ZNF445: variants seen among roughly 807,000 people sequenced by gnomAD.
ZNF445 encodes the protein zinc finger protein 168.
ZNF445 carries 19 observed loss-of-function variants against 93.9 expected under a neutral mutation model. That is an observed-to-expected ratio of 0.20 (90% confidence interval 0.14 to 0.30). The LOEUF (loss-of-function observed/expected upper bound fraction) is 0.30. Ranked by LOEUF, ZNF445 falls within the 10% of genes least tolerant of loss-of-function variation. ZNF445 has a pLI of 1.00. For missense variants in ZNF445, 1,058 were observed against 1,259.4 expected (o/e 0.84, Z 2.42); for synonymous variants, 449 against 446.3 (o/e 1.01, Z -0.08).
chr3:44,449,544 C>T lies in ZNF445; in HGVS notation c.900G>A (p.Gln300=). 6.2e-7 allele frequency: 1 copy of T among 1,614,198 alleles called. No individual in the cohort carries two copies. Among genetic ancestry groups the T allele is most frequent in the Non-Finnish European group, 8.5e-7 (1 of 1,180,022 alleles). The part of the protein sequence containing the change: ...EPWGLNMQAA[Q]PKGNPVAAPT... ...GAGCAGCAACTGGATTCCCCTTAGG[C>T]TGAGCTGCCTGCATGTTCAGGCCCC... Residue 300 remains glutamine, a synonymous_variant, in exon 7 of 8, where the codon CAG becomes CAA. Coordinates refer to ENST00000396077, the MANE Select transcript of ZNF445 (RefSeq NM_181489.6).
At chr3:44,471,004 T>C (rs9824392) in intron 1 of ZNF445, among the ~76,000 whole-genome samples, 1,857 of 147,514 alleles carry the variant, frequency 0.013, 34 homozygotes, top group African/African-American at 0.044. Flanking sequence ...AAAACAAAAA[T>C]AAAAAACCTA....
chr3:44,452,556 C>T (rs1697971274), intron 3 of ZNF445, among the ~76,000 whole-genome samples: 2 of 152,166 alleles, frequency 1.3e-5, no homozygotes, highest in South Asian at 2.1e-4. Context: ...AAGTAGCTTT[C>T]AACCAGGTAG....
intron 1 of ZNF445, among the ~76,000 whole-genome samples, chr3:44,469,599 T>A (rs184439646): frequency 6.6e-6 from 1 of 151,772 alleles, no homozygotes; most frequent in Non-Finnish European, 1.5e-5. Flanking sequence ...CGAAACCCCA[T>A]CTCTATTAAA....
At chr3:44,460,798 T>C (rs1698103877) in intron 1 of ZNF445, among the ~76,000 whole-genome samples, 1 of 152,212 alleles carries the variant, frequency 6.6e-6, no homozygotes, top group Non-Finnish European at 1.5e-5. Flanking sequence ...CCTGTCTTGA[T>C]GAATCAGCTC....
In ZNF445 at chr3:44,436,795, T is replaced by C. The variant is rs576714598; in HGVS notation, c.*9780A>G. ...AACTCAAAGCAAATGAAGACAGCCA[T>C]TCTCAGCTTCTCAAGTTAAAACAAT... On this transcript the variant is annotated 3_prime_UTR_variant, in exon 8 of 8. Transcript: ENST00000396077. 2 of 152,266 alleles carry C rather than the reference T, an allele frequency of 1.3e-5. No homozygotes were observed. Among genetic ancestry groups the C allele is most frequent in the African/African-American group, 4.8e-5 (2 of 41,544 alleles). The allele number at this position is 152,266 out of a possible 1,614,324, so 9.4% of individuals were successfully genotyped here. A position where few individuals can be genotyped will look rare whatever the true frequency, so the allele number is the denominator to read the frequency against.
In ZNF445 at chr3:44,434,354, T is replaced by TG. The variant is rs1322494145; in HGVS notation, c.*12220dup. On this transcript the variant is annotated 3_prime_UTR_variant, in exon 8 of 8. Transcript: ENST00000396077. ...TGTACCCAGGAGGTGCAGGTTGCAG[T>TG]GAGCCAAGATTGCCTCCACTCCAGC... 2.0e-5 allele frequency: 3 copies of TG among 151,440 alleles called. No homozygotes were observed. Among genetic ancestry groups the TG allele is most frequent in the African/African-American group, 7.3e-5 (3 of 41,132 alleles). 9.4% of individuals were successfully genotyped at this position (151,440 alleles called of 1,614,324 possible).
In ZNF445 at chr3:44,439,726, A is replaced by G. The variant is rs1441220156; in HGVS notation, c.*6849T>C. 4 of 152,228 alleles carry G rather than the reference A, an allele frequency of 2.6e-5. No individual in the cohort carries two copies. Among genetic ancestry groups the G allele is most frequent in the Admixed American group, 2.0e-4 (3 of 15,280 alleles). The allele number at this position is 152,228 out of a possible 1,614,324, so 9.4% of individuals were successfully genotyped here. A position where few individuals can be genotyped will look rare whatever the true frequency, so the allele number is the denominator to read the frequency against. Reference sequence around the variant, plus strand: ...TGGGATCAATAAACTACCATCACTCAAAACTGGTTCGGATGTTGAAACTGA... The same window carrying G: ...TGGGATCAATAAACTACCATCACTCGAAACTGGTTCGGATGTTGAAACTGA... On this transcript the variant is annotated 3_prime_UTR_variant, in exon 8 of 8. Coordinates refer to ENST00000396077, the MANE Select transcript of ZNF445 (RefSeq NM_181489.6).
rs1697573325 is a variant in ZNF445 at position 44,432,310 on chromosome 3, G to GTGTGTGTGT, written c.*14264_*14265insACACACACA. 7 of 115,952 alleles carry GTGTGTGTGT rather than the reference G, an allele frequency of 6.0e-5. No homozygotes were observed. The highest frequency in any genetic ancestry group is 5.5e-5 in the Non-Finnish European group (3 of 54,292). The allele number at this position is 115,952 out of a possible 1,614,324, so 7.2% of individuals were successfully genotyped here. A position where few individuals can be genotyped will look rare whatever the true frequency, so the allele number is the denominator to read the frequency against. ...GTGTGTGTGTGTGTGTGTGTGTGTG[G>GTGTGTGTGT]ATGGAGATAGAGAGAGAGGGATTTA... On this transcript the variant is annotated 3_prime_UTR_variant, in exon 8 of 8. Coordinates refer to ENST00000396077, the MANE Select transcript of ZNF445 (RefSeq NM_181489.6).
chr3:44,448,373 T>C lies in ZNF445; in HGVS notation c.1298A>G (p.Tyr433Cys). 1.2e-6 allele frequency: 2 copies of C among 1,614,248 alleles called. No individual in the cohort carries two copies. Among genetic ancestry groups the C allele is most frequent in the Non-Finnish European group, 1.7e-6 (2 of 1,180,046 alleles). ...MSSHHYDYKKYGKGLRHMIGG... is the reference protein window; with the variant it reads ...MSSHHYDYKKCGKGLRHMIGG... ...AATCATGTGTCTGAGCCCCTTCCCA[T>C]ATTTCTTGTAGTCATAGTGGTGTGA... The change falls in exon 8 of 8, where the codon TAT (tyrosine) becomes TGT (cysteine). Residue 433 changes from tyrosine to cysteine, a missense_variant. Physicochemically the swap from Tyr to Cys is radical, Grantham distance 194 (BLOSUM62 -2). This residue lies in a region of ZNF445 where 657 missense variants were observed against 746.4 expected (regional missense o/e 0.88). Transcript: ENST00000396077.
chr3:44,448,925 A>T (rs1282254078), intron 7 of ZNF445, among the ~76,000 whole-genome samples, 186 bp from the exon 8 acceptor site: 1 of 152,256 alleles, frequency 6.6e-6, no homozygotes, highest in Non-Finnish European at 1.5e-5. Context: ...GGAGAAGAAA[A>T]GCAAGATGGG....
chr3:44,464,642 C>A (rs1698166376), intron 1 of ZNF445, among the ~76,000 whole-genome samples: 1 of 150,812 alleles, frequency 6.6e-6, no homozygotes, highest in South Asian at 2.1e-4. Flanking sequence ...CAAATTGTTT[C>A]TTTGACTTCT....
chr3:44,476,244 CG>C (rs1218354635), intron 1 of ZNF445, among the ~76,000 whole-genome samples: 2 of 152,254 alleles, frequency 1.3e-5, no homozygotes, highest in Non-Finnish European at 2.9e-5. Flanking sequence ...TCCTGGATAC[CG>C]GAAGCCAGAG....
In ZNF445 at chr3:44,441,203, G is replaced by A. The variant is rs1697806461; in HGVS notation, c.*5372C>T. The A allele has an allele frequency of 1.3e-5, 2 of 152,228 alleles. No homozygotes were observed. The highest frequency in any genetic ancestry group is 2.9e-5 in the Non-Finnish European group (2 of 68,070). The allele number at this position is 152,228 out of a possible 1,614,324, so 9.4% of individuals were successfully genotyped here. A position where few individuals can be genotyped will look rare whatever the true frequency, so the allele number is the denominator to read the frequency against. ...GCTGGGATTACAGGCATGAGCCATC[G>A]TGCCAGGCCTGCCATGGCGTTTGTA... On this transcript the variant is annotated 3_prime_UTR_variant, in exon 8 of 8. Coordinates refer to ENST00000396077, the MANE Select transcript of ZNF445 (RefSeq NM_181489.6).
At chr3:44,449,750 C>A in intron 6 of ZNF445, 127 bp from the exon 7 acceptor site, 2 of 692,146 alleles carry the variant, frequency 2.9e-6, no homozygotes, top group Non-Finnish European at 5.1e-6. Flanking sequence ...CAGAAGCTAG[C>A]GAAGGAGGCC....
rs1697705426 is a variant in ZNF445 at position 44,437,431 on chromosome 3, AAG to A, written c.*9142_*9143del. The A allele has an allele frequency of 6.6e-6, 1 of 151,686 alleles. No individual in the cohort carries two copies. The highest frequency in any genetic ancestry group is 2.0e-4 in the East Asian group (1 of 5,104). 9.4% of individuals were successfully genotyped at this position (151,686 alleles called of 1,614,324 possible). ...GAAAGGGGTCCCGATCCAGACTCTT[AAG>A]AGAGTTCTTGGATCTCGTGCAAGAA... On this transcript the variant is annotated 3_prime_UTR_variant, in exon 8 of 8. Coordinates refer to ENST00000396077, the MANE Select transcript of ZNF445 (RefSeq NM_181489.6).
At position 44,442,243 on chromosome 3, in the gene ZNF445, T is replaced by C. The variant is rs1697821323; in HGVS notation, c.*4332A>G. On this transcript the variant is annotated 3_prime_UTR_variant, in exon 8 of 8. Coordinates refer to ENST00000396077, the MANE Select transcript of ZNF445 (RefSeq NM_181489.6). The stretch of plus-strand genomic sequence containing the variant: ...AACAACCCATTTATTTATCCATTCT[T>C]CTGCTGATGAAATGCAGGCTTTTCC... The C allele has an allele frequency of 6.6e-6, 1 of 152,240 alleles. No homozygotes were observed. The highest frequency in any genetic ancestry group is 1.5e-5 in the Non-Finnish European group (1 of 68,048). The allele number at this position is 152,240 out of a possible 1,614,324, so 9.4% of individuals were successfully genotyped here. A position where few individuals can be genotyped will look rare whatever the true frequency, so the allele number is the denominator to read the frequency against.
rs771670186 is a variant in ZNF445, at chr3:44,439,832, C to G, written c.*6743G>C. The G allele has an allele frequency of 6.6e-6, 1 of 152,256 alleles. No individual in the cohort carries two copies. Among genetic ancestry groups the G allele is most frequent in the African/African-American group, 2.4e-5 (1 of 41,450 alleles). 9.4% of individuals were successfully genotyped at this position (152,256 alleles called of 1,614,324 possible). ...CTAGGGAAAGCAAAGCGGGCACCCA[C>G]GCCAGTCTGTTGGGCTTCAGTGAAA... is the stretch of plus-strand genomic sequence containing the variant. On this transcript the variant is annotated 3_prime_UTR_variant, in exon 8 of 8. Transcript: ENST00000396077.
chr3:44,448,772 C>G (rs1243585800), intron 7 of ZNF445, 33 bp from the exon 8 acceptor site: 2 of 1,577,162 alleles, frequency 1.3e-6, no homozygotes, highest in Non-Finnish European at 1.7e-6. Flanking sequence ...AGAATGTACT[C>G]TTTTCCCATA....
chr3:44,450,266 T>C, intron 6 of ZNF445, 181 bp downstream of exon 6: 1 of 691,400 alleles, frequency 1.4e-6, no homozygotes, highest in Non-Finnish European at 2.4e-6. Context: ...TAATCCAGAA[T>C]GGCAGGCATT....
Sources: allele counts gnomAD v4.1 joint callset (sites outside exome capture counted in the v4.1 genomes callset), GRCh38; gene constraint gnomAD v4.1.1; regional missense constraint gnomAD v4.1.1; transcripts MANE v1.5; gene names NCBI Gene and HGNC (gene_info 2026-07-23, HGNC 2026-07-21).